Variants in BICD1 observed in about 807,000 individuals in gnomAD.
BICD1 encodes the protein protein bicaudal D homolog 1.
BICD1 carries 35 observed loss-of-function variants against 92.5 expected under a neutral mutation model. The ratio of observed to expected loss-of-function variants is 0.38; its 90% CI spans 0.29 to 0.50. The LOEUF (loss-of-function observed/expected upper bound fraction) is 0.50. BICD1 is among the 20% of genes least tolerant of loss of function. The pLI is 0.93. For missense variants in BICD1, 950 were observed against 1,189.8 expected (o/e 0.80, Z 2.97); for synonymous variants, 429 against 465.1 (o/e 0.92, Z 1.00).
intron 1 of BICD1, among the ~76,000 whole-genome samples, chr12:32,208,601 C>T (rs1047083808): frequency 1.2e-4 from 19 of 152,204 alleles, no homozygotes; most frequent in African/African-American, 4.1e-4. Flanking sequence ...TTGAGCCATA[C>T]GCATCATGGA....
intron 8 of BICD1, among the ~76,000 whole-genome samples, chr12:32,351,345 G>A (rs1335284858): frequency 1.3e-5 from 2 of 151,442 alleles, no homozygotes; most frequent in Non-Finnish European, 2.9e-5. Flanking sequence ...AATTAGCCGG[G>A]CATGGTGGCG....
intron 1 of BICD1, among the ~76,000 whole-genome samples, chr12:32,203,750 A>G (rs144882642): frequency 6.8e-4 from 103 of 152,186 alleles, no homozygotes; most frequent in African/African-American, 2.3e-3. Context: ...GAGAAGCCCT[A>G]TATCTCATTT....
chr12:32,339,111 G>C lies in BICD1; in HGVS notation c.2764+132G>C, dbSNP rs1471193841. ...TGATGTGTAAATTCCTATAAGTCAA[G>C]TAAAAACTTCCTTACACTTAGCTTC... On this transcript the variant is annotated intron_variant, in intron 8 of 9. Transcript: ENST00000652176. 12 of 1,349,766 alleles carry C rather than the reference G, an allele frequency of 8.9e-6. No homozygotes were observed. The Middle Eastern group carries it at 1.6e-3, about 182-fold the overall frequency. 83.6% of individuals were successfully genotyped at this position (1,349,766 alleles called of 1,614,324 possible). A position where few individuals can be genotyped will look rare whatever the true frequency, so the allele number is the denominator to read the frequency against.
chr12:32,361,552 CAAA>C (rs369280649), intron 8 of BICD1, among the ~76,000 whole-genome samples: 5 of 75,406 alleles, frequency 6.6e-5, no homozygotes, highest in Admixed American at 1.5e-4. Flanking sequence ...GACTCCATCT[CAAA>C]AAAAAAAAAA....
Position 32,182,886 on chromosome 12 carries a change from C to CTTTTTTTTTTTTTTTTTTTTT in BICD1, c.214-33358_214-33357insTTTTTTTTTTTTTTTTTTTTT, listed in dbSNP as rs1335811260. Among the ~76,000 whole-genome samples, 3 of 80,418 alleles carry CTTTTTTTTTTTTTTTTTTTTT rather than the reference C, an allele frequency of 3.7e-5. 1 individual carries two copies. The highest frequency in any genetic ancestry group is 9.7e-5 in the African/African-American group (2 of 20,618). The allele number at this position is 80,418 out of a possible 152,430, so 52.8% of individuals were successfully genotyped here. Reference sequence around the variant, plus strand: ...TTTTTCTTTTTCTTTTCTTTTCTTTCTTTCTTTTTTTTTTTTTTTTTTTAA... The same window carrying CTTTTTTTTTTTTTTTTTTTTT: ...TTTTTCTTTTTCTTTTCTTTTCTTTCTTTTTTTTTTTTTTTTTTTTTTTTCTTTTTTTTTTTTTTTTTTTAA... On this transcript the variant is annotated intron_variant, in intron 1 of 9. Coordinates refer to ENST00000652176, the MANE Select transcript of BICD1 (RefSeq NM_001714.4).
At chr12:32,130,843 G>A (rs984505337) in intron 1 of BICD1, among the ~76,000 whole-genome samples, 1 of 151,874 alleles carries the variant, frequency 6.6e-6, no homozygotes, top group African/African-American at 2.4e-5. Context: ...TGACATTTAT[G>A]TATTTATTTA....
intron 5 of BICD1, among the ~76,000 whole-genome samples, chr12:32,330,641 G>C (rs367572057): frequency 4.1e-4 from 62 of 151,560 alleles, no homozygotes; most frequent in African/African-American, 1.4e-3. Context: ...GAATTTGTGA[G>C]AGATCTGACT....
At chr12:32,296,802 A>T (rs1282744188) in intron 3 of BICD1, among the ~76,000 whole-genome samples, 1 of 152,110 alleles carries the variant, frequency 6.6e-6, no homozygotes, top group Non-Finnish European at 1.5e-5. Flanking sequence ...ATATTCTTGA[A>T]AGACTGCCAA....
intron 2 of BICD1, among the ~76,000 whole-genome samples, chr12:32,271,647 C>T (rs1158122969): frequency 6.6e-6 from 1 of 152,168 alleles, no homozygotes; most frequent in Non-Finnish European, 1.5e-5. Context: ...TTAAGCTTCC[C>T]CATACCGTGC....
At chr12:32,200,039 T>A (rs1040552775) in intron 1 of BICD1, among the ~76,000 whole-genome samples, 1 of 152,238 alleles carries the variant, frequency 6.6e-6, no homozygotes, top group African/African-American at 2.4e-5. Flanking sequence ...AAACAGTTGT[T>A]ATGGAGGCCT....
At chr12:32,158,277 TG>T (rs2121476078) in intron 1 of BICD1, among the ~76,000 whole-genome samples, 1 of 152,014 alleles carries the variant, frequency 6.6e-6, no homozygotes, top group African/African-American at 2.4e-5. Flanking sequence ...GGCTGATTTT[TG>T]TACTTTTTAA....
chr12:32,155,349 T>C (rs1185136632), intron 1 of BICD1, among the ~76,000 whole-genome samples: 1 of 152,180 alleles, frequency 6.6e-6, no homozygotes, highest in African/African-American at 2.4e-5. Context: ...TAAATCTAAT[T>C]GATATGCAAA....
chr12:32,255,958 AATT>A (rs556793122), intron 2 of BICD1, among the ~76,000 whole-genome samples: 23 of 152,266 alleles, frequency 1.5e-4, no homozygotes, highest in East Asian at 9.6e-4. Flanking sequence ...ATTATTAATT[AATT>A]ATTATTAATT....
At chr12:32,117,140 T>G (rs1381291853) in intron 1 of BICD1, among the ~76,000 whole-genome samples, 3 of 152,150 alleles carry the variant, frequency 2.0e-5, no homozygotes, top group African/African-American at 4.8e-5. Context: ...AATGAGGCAG[T>G]CTTCTTAGGA....
intron 1 of BICD1, among the ~76,000 whole-genome samples, chr12:32,111,174 G>A (rs1941677781): frequency 6.6e-6 from 1 of 152,122 alleles, no homozygotes; most frequent in Non-Finnish European, 1.5e-5. Flanking sequence ...GCACTAATGA[G>A]CTTCAACCCA....
intron 3 of BICD1, among the ~76,000 whole-genome samples, chr12:32,300,606 G>T (rs1157761356): frequency 1.3e-5 from 2 of 148,614 alleles, no homozygotes; most frequent in African/African-American, 4.9e-5. Flanking sequence ...AAAGGAAAGG[G>T]TTGAGAGGAA....
chr12:32,281,746 C>T (rs564185188), intron 2 of BICD1, among the ~76,000 whole-genome samples: 83 of 151,906 alleles, frequency 5.5e-4, no homozygotes, highest in Middle Eastern at 3.4e-3. Flanking sequence ...TATGTCTGTA[C>T]CCTCCTTCTT....
chr12:32,340,610 A>G (rs1285607682), intron 8 of BICD1: 2 of 717,766 alleles, frequency 2.8e-6, no homozygotes, highest in Non-Finnish European at 3.4e-6. Flanking sequence ...TAACAACAAT[A>G]ACTGTTTTCA....
At chr12:32,119,027 G>A (rs976719368) in intron 1 of BICD1, among the ~76,000 whole-genome samples, 9 of 152,134 alleles carry the variant, frequency 5.9e-5, no homozygotes, top group Non-Finnish European at 1.2e-4. Flanking sequence ...TGGGGAAAGC[G>A]TGATCAGGCA....
Sources: gnomAD v4.1 joint callset for allele counts (sites outside exome capture counted in the v4.1 genomes callset) on GRCh38, gnomAD v4.1.1 for gene constraint, MANE v1.5 for transcripts, NCBI Gene and HGNC (gene_info 2026-07-23, HGNC 2026-07-21) for gene names.